Variants in UGT1A10 observed in about 807,000 individuals in gnomAD.
The protein encoded by UGT1A10 is UDP glucuronosyltransferase family 1 member A10, also known as UDP-glucuronosyltransferase 1A10.
A neutral mutation model predicts 45.8 loss-of-function variants in UGT1A10; 49 were observed. The observed-to-expected ratio is 1.07, with a 90% confidence interval of 0.85 to 1.36. The LOEUF (loss-of-function observed/expected upper bound fraction) is 1.36, where lower values mean the gene tolerates loss of function less well. UGT1A10 is among the 40% of genes most tolerant of loss of function. The probability of loss-of-function intolerance (pLI) is 0.00; values close to 1 mark genes in which losing one functional copy is unlikely to be tolerated. For missense variants in UGT1A10, 745 were observed against 668.6 expected (o/e 1.11, Z -1.26); for synonymous variants, 284 against 249.7 (o/e 1.14, Z -1.29).
chr2:233,733,853 T>C (rs2078444746), intron 1 of UGT1A10, among the ~76,000 whole-genome samples: 1 of 152,132 alleles, frequency 6.6e-6, no homozygotes, highest in South Asian at 2.1e-4. Flanking sequence ...TCTTTTTCTA[T>C]TGATTGGAAT....
intron 1 of UGT1A10, among the ~76,000 whole-genome samples, chr2:233,665,273 A>G (rs1264743177): frequency 6.6e-6 from 1 of 152,200 alleles, no homozygotes; most frequent in East Asian, 1.9e-4. Flanking sequence ...ACCAATTAAT[A>G]TTGATATAGA....
At chr2:233,712,976 G>C (rs750445799) in intron 1 of UGT1A10, 1 of 1,613,080 alleles carries the variant, frequency 6.2e-7, no homozygotes, top group Non-Finnish European at 8.5e-7. Context: ...GTCAGCTGTC[G>C]GTGGCTTCTG....
intron 1 of UGT1A10, among the ~76,000 whole-genome samples, chr2:233,706,423 C>T (rs571614234): frequency 6.6e-6 from 1 of 152,376 alleles, no homozygotes; most frequent in African/African-American, 2.4e-5. Flanking sequence ...CGTGGTCTTT[C>T]AGCCACAGAC....
chr2:233,762,256 A>G lies in UGT1A10; in HGVS notation c.856-4778A>G, dbSNP rs529163977. Among the ~76,000 whole-genome samples, 14 of 152,334 alleles carry G rather than the reference A, an allele frequency of 9.2e-5. No homozygotes were observed. In the South Asian group the frequency reaches 1.5e-3, roughly 16 times the overall value. On this transcript the variant is annotated intron_variant, in intron 1 of 4. Coordinates refer to ENST00000344644, the MANE Select transcript of UGT1A10 (RefSeq NM_019075.4). ...AAGGCACAGAATAGGCACCCACCGA[A>G]TATGTGTTACATTAATGAATGAGAA...
At chr2:233,752,726 CAGAG>C in intron 1 of UGT1A10, among the ~76,000 whole-genome samples, 1 of 152,282 alleles carries the variant, frequency 6.6e-6, no homozygotes, top group East Asian at 1.9e-4. Context: ...GCAACAGCTA[CAGAG>C]AGAGACCCTG....
chr2:233,747,354 G>T (rs753872482), intron 1 of UGT1A10: 336 of 1,602,388 alleles, frequency 2.1e-4, no homozygotes, highest in Admixed American at 4.5e-4. Context: ...GCGGGAGGCC[G>T]TGCGGGAGCT....
intron 1 of UGT1A10, among the ~76,000 whole-genome samples, chr2:233,698,217 G>C (rs1300246844): frequency 6.6e-6 from 1 of 151,932 alleles, no homozygotes. Flanking sequence ...TAATTATTAG[G>C]AATTAAATTA....
intron 1 of UGT1A10, chr2:233,750,567 C>G (rs1230562765): frequency 2.0e-5 from 3 of 151,970 alleles, no homozygotes; most frequent in Admixed American, 6.5e-5. Context: ...GCAGCAGACC[C>G]TCCCATCACA....
At chr2:233,734,729 GT>G (rs200668434) in intron 1 of UGT1A10, among the ~76,000 whole-genome samples, 10,395 of 152,166 alleles carry the variant, frequency 0.068, 499 homozygotes, top group East Asian at 0.2. Flanking sequence ...GTTCTCGTCG[GT>G]TTCAAAGAAC....
At chr2:233,729,094 G>A in intron 1 of UGT1A10, 1 of 1,612,652 alleles carries the variant, frequency 6.2e-7, no homozygotes, top group Non-Finnish European at 8.5e-7. Context: ...ACAGCGTGGG[G>A]TGGACAGTCA....
intron 1 of UGT1A10, among the ~76,000 whole-genome samples, chr2:233,688,153 A>G (rs2074880098): frequency 2.0e-5 from 3 of 152,240 alleles, no homozygotes; most frequent in Non-Finnish European, 2.9e-5. Flanking sequence ...GGATTTGCCT[A>G]TTCTGGGCAT....
intron 1 of UGT1A10, chr2:233,671,812 T>G: frequency 7.0e-7 from 1 of 1,435,024 alleles, no homozygotes; most frequent in Non-Finnish European, 9.2e-7. Context: ...GACTGATTTT[T>G]TTTTTATGAA....
intron 1 of UGT1A10, among the ~76,000 whole-genome samples, chr2:233,674,427 C>T (rs990679144): frequency 6.6e-6 from 1 of 152,160 alleles, no homozygotes. Flanking sequence ...TAGTAACAGG[C>T]ACCACTTATG....
chr2:233,665,649 C>G (rs1233220447), intron 1 of UGT1A10, among the ~76,000 whole-genome samples: 2 of 152,154 alleles, frequency 1.3e-5, no homozygotes, highest in Non-Finnish European at 2.9e-5. Flanking sequence ...TAAGGGCAGG[C>G]CCTTTGCTAT....
chr2:233,681,920 C>T (rs1559339144), intron 1 of UGT1A10: 2 of 1,605,606 alleles, frequency 1.2e-6, no homozygotes, highest in Non-Finnish European at 1.7e-6. Flanking sequence ...GCTGCTGGCT[C>T]TGGGCTGAAG....
intron 1 of UGT1A10, among the ~76,000 whole-genome samples, chr2:233,685,024 T>A (rs1218978440): frequency 6.6e-6 from 1 of 152,190 alleles, no homozygotes; most frequent in East Asian, 1.9e-4. Context: ...TGTGTCTGTA[T>A]GTGCAGGTGT....
At chr2:233,678,849 T>G (rs1425238084) in intron 1 of UGT1A10, among the ~76,000 whole-genome samples, 1 of 152,236 alleles carries the variant, frequency 6.6e-6, no homozygotes, top group Non-Finnish European at 1.5e-5. Context: ...CCCAACATTT[T>G]GTTGCTGTAT....
chr2:233,769,088 T>C lies in UGT1A10; in HGVS notation c.1295+649T>C, dbSNP rs1699789125. 2.0e-5 allele frequency among the ~76,000 whole-genome samples: 3 copies of C among 152,168 alleles called. No homozygotes were observed. Among genetic ancestry groups the C allele is most frequent in the African/African-American group, 7.2e-5 (3 of 41,420 alleles). The stretch of plus-strand genomic sequence containing the variant: ...AAGAAATACTCCATTATAAGAAGCA[T>C]AGTATCTTTAAGAGAAAAACAACTC... On this transcript the variant is annotated intron_variant, in intron 4 of 4. Coordinates refer to ENST00000344644, the MANE Select transcript of UGT1A10 (RefSeq NM_019075.4). This position sits in a 1 kb window ranked among gnomAD's most constrained non-coding sequence, Gnocchi z 4.4.
intron 1 of UGT1A10, chr2:233,719,575 C>T: frequency 6.2e-7 from 1 of 1,613,950 alleles, no homozygotes; most frequent in Non-Finnish European, 8.5e-7. Context: ...GTCAGCTATG[C>T]ATCCGTGTGG....
Sources: allele counts gnomAD v4.1 joint callset (sites outside exome capture counted in the v4.1 genomes callset), GRCh38; gene constraint gnomAD v4.1.1; non-coding constraint Gnocchi (gnomAD v3.1); transcripts MANE v1.5; gene names NCBI Gene and HGNC (gene_info 2026-07-23, HGNC 2026-07-21).